RSU1: variants seen among roughly 807,000 people sequenced by gnomAD.
RSU1 encodes the protein rsu-1.
Under a neutral mutation model 31.1 loss-of-function variants are expected in RSU1, and 26 were observed. The observed-to-expected ratio is 0.84, with a 90% confidence interval of 0.61 to 1.16. RSU1 has a LOEUF of 1.16. RSU1 is among the 50% of genes most tolerant of loss of function. The pLI is 0.00. For synonymous variants in RSU1, 164 were observed against 136.3 expected (o/e 1.20, Z -1.41); for missense variants, 320 against 339.1 (o/e 0.94, Z 0.44).
At chr10:16,789,502 T>C (rs1416210471) in intron 2 of RSU1, among the ~76,000 whole-genome samples, 1 of 152,230 alleles carries the variant, frequency 6.6e-6, no homozygotes, top group African/African-American at 2.4e-5. Flanking sequence ...GACATATTTA[T>C]ACAACCAGTC....
rs116287475 is a variant in RSU1 at position 16,673,855 on chromosome 10, C to T, written c.731+21168G>A. ...CTTTTTCTGACTTGCCAACGTAACC[C>T]GCACATATTTTAAGGGCTGGGAAGA... On this transcript the variant is annotated intron_variant, in intron 8 of 8. Coordinates refer to ENST00000345264, the MANE Select transcript of RSU1 (RefSeq NM_012425.4). 5.1e-3 allele frequency among the ~76,000 whole-genome samples: 784 copies of T among 152,262 alleles called. 5 individuals carry two copies. The highest frequency in any genetic ancestry group is 0.017 in the African/African-American group (717 of 41,548).
At position 16,764,112 on chromosome 10, in the gene RSU1, G is replaced by A. The variant is rs112917856; in HGVS notation, c.281+278C>T. Among the ~76,000 whole-genome samples, 543 of 152,230 alleles carry A rather than the reference G, an allele frequency of 3.6e-3. 3 individuals are homozygous for A. Among genetic ancestry groups the A allele is most frequent in the African/African-American group, 0.013 (522 of 41,534 alleles). The stretch of plus-strand genomic sequence containing the variant: ...CAAATAAGTCCCTTCTCGGTCAGCA[G>A]AACTGAGATAAAATTTTACTGGACA... On this transcript the variant is annotated intron_variant, in intron 4 of 8. Transcript: ENST00000345264.
At chr10:16,675,557 C>G (rs560905239) in intron 8 of RSU1, among the ~76,000 whole-genome samples, 1 of 151,986 alleles carries the variant, frequency 6.6e-6, no homozygotes, top group Non-Finnish European at 1.5e-5. Context: ...TAGAGACCAG[C>G]GTCAGGAAGA....
chr10:16,725,765 G>A (rs1836380861), intron 7 of RSU1, among the ~76,000 whole-genome samples: 1 of 149,006 alleles, frequency 6.7e-6, no homozygotes. Context: ...AAGAAATAAA[G>A]TTCTATTATT....
At chr10:16,645,980 ATATACATATATGTGTATATATATGTG>A (rs1388290839) in intron 8 of RSU1, among the ~76,000 whole-genome samples, 6,026 of 102,994 alleles carry the variant, frequency 0.059, 1,663 homozygotes, top group Non-Finnish European at 0.066. Flanking sequence ...ATATATGTGT[ATATACATATATGTGTATATATATGTG>A]TATATACATA....
intron 8 of RSU1, among the ~76,000 whole-genome samples, chr10:16,648,207 C>T (rs1006876222): frequency 6.6e-6 from 1 of 151,776 alleles, no homozygotes; most frequent in Non-Finnish European, 1.5e-5. Context: ...CTCAAGCCAT[C>T]CTCCTGCCTC....
chr10:16,677,145 A>G (rs1335676449), intron 8 of RSU1, among the ~76,000 whole-genome samples: 1 of 152,072 alleles, frequency 6.6e-6, no homozygotes, highest in Non-Finnish European at 1.5e-5. Context: ...ACATTTTCTT[A>G]TTTTCTTCCC....
intron 3 of RSU1, among the ~76,000 whole-genome samples, chr10:16,766,012 G>C (rs1246119289): frequency 1.3e-5 from 2 of 152,252 alleles, no homozygotes; most frequent in Non-Finnish European, 2.9e-5. Flanking sequence ...CAGGCACGTT[G>C]CTTATTATAG....
chr10:16,722,964 ACATATAT>A (rs1836307807), intron 7 of RSU1: 2 of 150,378 alleles, frequency 1.3e-5, no homozygotes, highest in Admixed American at 6.7e-5. Context: ...ACACACATAT[ACATATAT>A]GTATATATAC....
intron 7 of RSU1, among the ~76,000 whole-genome samples, chr10:16,707,755 C>T (rs1408969408): frequency 6.6e-6 from 1 of 152,062 alleles, no homozygotes; most frequent in African/African-American, 2.4e-5. Flanking sequence ...CTTTTGTTGC[C>T]TGCTGCTTTT....
intron 7 of RSU1, among the ~76,000 whole-genome samples, chr10:16,743,555 A>T (rs1208189988): frequency 6.6e-6 from 1 of 150,962 alleles, no homozygotes; most frequent in Non-Finnish European, 1.5e-5. Context: ...TCAATTGACA[A>T]AGTCAATCTT....
At chr10:16,649,586 C>A (rs1247686031) in intron 8 of RSU1, among the ~76,000 whole-genome samples, 6 of 152,110 alleles carry the variant, frequency 3.9e-5, no homozygotes, top group Admixed American at 1.3e-4. Context: ...GACAAAACTG[C>A]CAAAGAGGAA....
At chr10:16,661,473 T>C (rs1461519227) in intron 8 of RSU1, among the ~76,000 whole-genome samples, 2 of 152,212 alleles carry the variant, frequency 1.3e-5, no homozygotes, top group Non-Finnish European at 2.9e-5. Context: ...TCTACATTTT[T>C]TAAATGTAGT....
At chr10:16,692,112 T>C (rs1010807546) in intron 8 of RSU1, among the ~76,000 whole-genome samples, 3 of 152,130 alleles carry the variant, frequency 2.0e-5, no homozygotes, top group Non-Finnish European at 4.4e-5. Flanking sequence ...CAAGGCTCCA[T>C]GAGGAAATGA....
chr10:16,690,322 C>A (rs1217326340), intron 8 of RSU1, among the ~76,000 whole-genome samples: 1 of 152,096 alleles, frequency 6.6e-6, no homozygotes, highest in East Asian at 1.9e-4. Context: ...CTTCAACGAC[C>A]CAACCAAGCT....
At chr10:16,677,878 GCA>G (rs1194366672) in intron 8 of RSU1, among the ~76,000 whole-genome samples, 1 of 152,012 alleles carries the variant, frequency 6.6e-6, no homozygotes, top group Non-Finnish European at 1.5e-5. Flanking sequence ...CACCACTCAC[GCA>G]GTTTCTATTG....
chr10:16,656,789 C>T (rs966884228), intron 8 of RSU1, among the ~76,000 whole-genome samples: 1 of 152,186 alleles, frequency 6.6e-6, no homozygotes, highest in African/African-American at 2.4e-5. Flanking sequence ...AAAAGTCGGA[C>T]ATTTTATTCA....
chr10:16,699,987 C>T (rs1835754872), intron 7 of RSU1, among the ~76,000 whole-genome samples: 1 of 152,154 alleles, frequency 6.6e-6, no homozygotes, highest in African/African-American at 2.4e-5. Flanking sequence ...TTAAATCATG[C>T]AAAACACTCA....
intron 8 of RSU1, among the ~76,000 whole-genome samples, chr10:16,645,437 T>C (rs983912596): frequency 6.7e-6 from 1 of 150,006 alleles, no homozygotes; most frequent in African/African-American, 2.5e-5. Flanking sequence ...AAAATAAACT[T>C]TTCCAAAAGA....
Sources: allele counts gnomAD v4.1 joint callset (sites outside exome capture counted in the v4.1 genomes callset), GRCh38; gene constraint gnomAD v4.1.1; transcripts MANE v1.5; gene names NCBI Gene and HGNC (gene_info 2026-07-23, HGNC 2026-07-21).